Variants in TTC28 observed in about 807,000 individuals in gnomAD.
TTC28 encodes the protein tetratricopeptide repeat protein 28.
A neutral mutation model predicts 198.0 loss-of-function variants in TTC28; 61 were observed. The observed-to-expected ratio is 0.31, with a 90% CI of 0.25 to 0.38. The LOEUF (loss-of-function observed/expected upper bound fraction) is 0.38, where lower values mean the gene tolerates loss of function less well. TTC28 is among the 10% of genes least tolerant of loss of function. The pLI is 1.00. For synonymous variants in TTC28, 1,171 were observed against 1,297.8 expected, an observed-to-expected ratio of 0.90 and a Z score of 2.10; for missense variants, 2,678 against 3,164.0, an observed-to-expected ratio of 0.85 and a Z score of 3.69.
In TTC28 at chr22:28,673,546, A is replaced by G. The variant is rs548975117; in HGVS notation, c.102+6076T>C. Among the ~76,000 whole-genome samples, 9 of 152,336 alleles carry G rather than the reference A, an allele frequency of 5.9e-5. No individual in the cohort carries two copies. The South Asian group carries it at 1.4e-3, about 25-fold the overall frequency. On this transcript the variant is annotated intron_variant, in intron 1 of 22. Coordinates refer to ENST00000397906, the MANE Select transcript of TTC28 (RefSeq NM_001145418.2). ...TTCAGAAAATGTTAGGACAAATTTG[A>G]TATCAACATTCTTTGCACTCACAGA...
intron 5 of TTC28, among the ~76,000 whole-genome samples, chr22:28,290,833 G>T (rs1350659155): frequency 6.6e-6 from 1 of 151,984 alleles, no homozygotes; most frequent in Non-Finnish European, 1.5e-5. Context: ...GATCAATTGA[G>T]CCCAAGAGGT....
intron 13 of TTC28, among the ~76,000 whole-genome samples, chr22:28,027,096 C>G (rs965922809): frequency 2.0e-5 from 3 of 152,098 alleles, no homozygotes; most frequent in African/African-American, 7.2e-5. Flanking sequence ...TATATACATA[C>G]CACACACAAA....
chr22:28,327,902 A>G (rs1177011982), intron 2 of TTC28, among the ~76,000 whole-genome samples: 2 of 152,206 alleles, frequency 1.3e-5, no homozygotes, highest in Non-Finnish European at 2.9e-5. Flanking sequence ...TTTTATATTC[A>G]TTCACTCATT....
intron 2 of TTC28, among the ~76,000 whole-genome samples, chr22:28,540,116 TTG>T (rs908292993): frequency 6.6e-6 from 1 of 151,862 alleles, no homozygotes; most frequent in African/African-American, 2.4e-5. Flanking sequence ...GCTAATTTTT[TTG>T]TGTTTTCTTA....
intron 8 of TTC28, among the ~76,000 whole-genome samples, chr22:28,102,628 C>T (rs1290359404): frequency 2.6e-5 from 4 of 152,186 alleles, no homozygotes; most frequent in Non-Finnish European, 5.9e-5. Flanking sequence ...GGAAGGACTT[C>T]CTTCTTCTAA....
intron 2 of TTC28, among the ~76,000 whole-genome samples, chr22:28,531,399 A>G (rs1285389190): frequency 1.3e-5 from 2 of 152,220 alleles, no homozygotes; most frequent in Non-Finnish European, 2.9e-5. Context: ...GAGTACCCAA[A>G]TTCATAAAGC....
chr22:28,012,456 A>C (rs5762448), intron 14 of TTC28, among the ~76,000 whole-genome samples: 32,491 of 152,104 alleles, frequency 0.21, 4,004 homozygotes, highest in African/African-American at 0.35. Flanking sequence ...TGGGCACAAG[A>C]AGCCACTGCT....
At position 27,979,644 on chromosome 22, in the gene TTC28, G is replaced by C. The variant is rs1453114896; in HGVS notation, c.*2577C>G. The C allele has an allele frequency of 7.9e-6, 1 of 127,262 alleles. No homozygotes were observed. Among genetic ancestry groups the C allele is most frequent in the Non-Finnish European group, 1.7e-5 (1 of 57,308 alleles). 7.9% of individuals were successfully genotyped at this position (127,262 alleles called of 1,614,324 possible). On this transcript the variant is annotated 3_prime_UTR_variant, in exon 23 of 23. Transcript: ENST00000397906. ...CAGTCTTAGCCTGTGGGTCATAGTT[G>C]CCAACCCCTGATCTACACAAAGAAA...
At chr22:28,197,813 G>A (rs1925528751) in intron 5 of TTC28, among the ~76,000 whole-genome samples, 1 of 152,128 alleles carries the variant, frequency 6.6e-6, no homozygotes, top group Non-Finnish European at 1.5e-5. Flanking sequence ...AAAGGAGTTT[G>A]AGGCCAGTCT....
At chr22:28,227,579 A>G (rs1225955645) in intron 5 of TTC28, among the ~76,000 whole-genome samples, 3 of 152,214 alleles carry the variant, frequency 2.0e-5, no homozygotes, top group African/African-American at 7.2e-5. Flanking sequence ...TCTCCAAACA[A>G]GATACATAAA....
chr22:28,090,575 C>A (rs893344523), intron 12 of TTC28, among the ~76,000 whole-genome samples: 31 of 152,022 alleles, frequency 2.0e-4, no homozygotes, highest in African/African-American at 5.1e-4. Flanking sequence ...AATTTTGAGA[C>A]CAAAGGGCAT....
At chr22:28,358,283 C>T (rs375562016) in intron 2 of TTC28, among the ~76,000 whole-genome samples, 6 of 152,156 alleles carry the variant, frequency 3.9e-5, no homozygotes, top group South Asian at 2.1e-4. Flanking sequence ...GGAAGTACAA[C>T]TGAATGTTAG....
chr22:28,668,992 A>G (rs60525649), intron 1 of TTC28, among the ~76,000 whole-genome samples: 2 of 38,662 alleles, frequency 5.2e-5, no homozygotes, highest in East Asian at 6.5e-4. Flanking sequence ...ATGAGTTCAT[A>G]TCCTTTGTAG....
intron 12 of TTC28, 102 bp from the exon 13 acceptor site, chr22:28,030,468 T>C: frequency 7.0e-7 from 1 of 1,424,994 alleles, no homozygotes; most frequent in Non-Finnish European, 9.4e-7. Context: ...AACGAACCTC[T>C]AGTACCGTTG....
intron 6 of TTC28, among the ~76,000 whole-genome samples, chr22:28,116,886 T>TC (rs778683823): frequency 1.3e-5 from 2 of 152,182 alleles, no homozygotes; most frequent in African/African-American, 4.8e-5. Flanking sequence ...CACAGAGCAG[T>TC]CCCATACTCC....
intron 5 of TTC28, among the ~76,000 whole-genome samples, chr22:28,286,363 A>T (rs1435032230): frequency 6.6e-6 from 1 of 152,238 alleles, no homozygotes; most frequent in Middle Eastern, 3.2e-3. Context: ...AACGTAGCCA[A>T]AATATTATCA....
intron 2 of TTC28, among the ~76,000 whole-genome samples, chr22:28,390,697 T>G (rs1310473802): frequency 6.6e-6 from 1 of 152,202 alleles, no homozygotes; most frequent in Non-Finnish European, 1.5e-5. Context: ...ATTTGCTTGG[T>G]AGATCTTCCT....
intron 5 of TTC28, among the ~76,000 whole-genome samples, chr22:28,260,011 T>G (rs1031303341): frequency 6.6e-6 from 1 of 152,180 alleles, no homozygotes; most frequent in Admixed American, 6.5e-5. Context: ...CAGGAAAATG[T>G]CTTCCCACAA....
At chr22:28,613,576 C>T (rs902095320) in intron 2 of TTC28, among the ~76,000 whole-genome samples, 6 of 152,210 alleles carry the variant, frequency 3.9e-5, no homozygotes, top group Non-Finnish European at 7.3e-5. Context: ...CCAAATCCAG[C>T]AGCACATCAC....
Sources: gnomAD v4.1 joint callset for allele counts (sites outside exome capture counted in the v4.1 genomes callset) on GRCh38, gnomAD v4.1.1 for gene constraint, MANE v1.5 for transcripts, NCBI Gene and HGNC (gene_info 2026-07-23, HGNC 2026-07-21) for gene names.